The following CAMKMT variants were observed in gnomAD, a reference collection of about 807,000 sequenced individuals.
CAMKMT encodes CaM KMT.
Under a neutral mutation model 48.0 loss-of-function variants are expected in CAMKMT, and 53 were observed. That is an observed-to-expected ratio of 1.10 (90% confidence interval 0.89 to 1.39). The LOEUF (loss-of-function observed/expected upper bound fraction) is 1.39. CAMKMT is among the 40% of genes most tolerant of loss of function. The pLI is 0.00. For missense variants in CAMKMT, 428 were observed against 402.7 expected, an observed-to-expected ratio of 1.06 and a Z score of -0.54; for synonymous variants, 165 against 152.3, an observed-to-expected ratio of 1.08 and a Z score of -0.61.
intron 1 of CAMKMT, among the ~76,000 whole-genome samples, chr2:44,372,389 G>A (rs1237955611): frequency 6.6e-6 from 1 of 151,832 alleles, no homozygotes; most frequent in African/African-American, 2.4e-5. Flanking sequence ...GGAGCCTGAG[G>A]TAGGAGGATC....
chr2:44,431,242 T>G (rs1204637550), intron 3 of CAMKMT, among the ~76,000 whole-genome samples: 2 of 152,170 alleles, frequency 1.3e-5, no homozygotes, highest in African/African-American at 4.8e-5. Context: ...CCCTTTCAAG[T>G]TTTAATCTTA....
intron 3 of CAMKMT, among the ~76,000 whole-genome samples, chr2:44,444,243 G>C (rs1203616503): frequency 6.6e-6 from 1 of 152,182 alleles, no homozygotes; most frequent in Non-Finnish European, 1.5e-5. Flanking sequence ...GTCCTGCCTT[G>C]AGCAATTTAG....
At chr2:44,664,729 G>T (rs1444529774) in intron 3 of CAMKMT, among the ~76,000 whole-genome samples, 1 of 152,162 alleles carries the variant, frequency 6.6e-6, no homozygotes, top group Admixed American at 6.6e-5. Context: ...ACATGAGATT[G>T]CCTCCTCAGT....
chr2:44,669,063 G>A (rs776139247), intron 3 of CAMKMT, among the ~76,000 whole-genome samples: 7 of 152,078 alleles, frequency 4.6e-5, no homozygotes, highest in South Asian at 2.1e-4. Flanking sequence ...AATTACAGGC[G>A]TGAGCCACTG....
At chr2:44,502,324 G>C (rs1346352986) in intron 3 of CAMKMT, among the ~76,000 whole-genome samples, 2 of 151,854 alleles carry the variant, frequency 1.3e-5, no homozygotes, top group East Asian at 3.9e-4. Flanking sequence ...CTGTGCTCTT[G>C]TGTGCCCTGT....
chr2:44,414,024 A>G (rs1558592907), intron 3 of CAMKMT, among the ~76,000 whole-genome samples: 1 of 152,172 alleles, frequency 6.6e-6, no homozygotes, highest in Non-Finnish European at 1.5e-5. Context: ...TTGTATTGGT[A>G]TGCCAGTTGG....
At chr2:44,509,507 C>G (rs1670431232) in intron 3 of CAMKMT, among the ~76,000 whole-genome samples, 1 of 152,056 alleles carries the variant, frequency 6.6e-6, no homozygotes, top group South Asian at 2.1e-4. Flanking sequence ...GATGGGGTTT[C>G]ACCATGTTGC....
rs146125884 is a variant in CAMKMT, at chr2:44,584,347, A to C, written c.377-119936A>C. Among the ~76,000 whole-genome samples the C allele has an allele frequency of 3.3e-5, 5 of 152,342 alleles. No homozygotes were observed. In the East Asian group the frequency reaches 9.6e-4, roughly 29 times the overall value. On this transcript the variant is annotated intron_variant, in intron 3 of 10. Transcript: ENST00000378494. The stretch of plus-strand genomic sequence containing the variant: ...ACATTTTTATTTATGAGCTGTGAAA[A>C]TGTACTAGAGGACCTGGGATATTAC...
At chr2:44,395,306 G>A (rs1349541432) in intron 3 of CAMKMT, among the ~76,000 whole-genome samples, 1 of 152,030 alleles carries the variant, frequency 6.6e-6, no homozygotes, top group Non-Finnish European at 1.5e-5. Flanking sequence ...CATATATGTA[G>A]CATGTGTGTA....
At chr2:44,574,817 A>G (rs1194343089) in intron 3 of CAMKMT, among the ~76,000 whole-genome samples, 1 of 148,240 alleles carries the variant, frequency 6.7e-6, no homozygotes, top group Non-Finnish European at 1.5e-5. Context: ...CTCGGCTCAC[A>G]GCAACCTCCA....
rs557904143 is a variant in CAMKMT at position 44,361,974 on chromosome 2, G to A, written c.-34G>A. On this transcript the variant is annotated 5_prime_UTR_variant, in exon 1 of 11. Coordinates refer to ENST00000378494, the MANE Select transcript of CAMKMT (RefSeq NM_024766.5). ...GTCCTGGCAGGGGACGAGCTGCGGC[G>A]GTGGCACCTCCGGGTGTGGAAGGCT... 2.2e-6 allele frequency: 3 copies of A among 1,363,452 alleles called. No homozygotes were observed. Among genetic ancestry groups the A allele is most frequent in the African/African-American group, 1.5e-5 (1 of 65,240 alleles). 84.5% of individuals were successfully genotyped at this position (1,363,452 alleles called of 1,614,324 possible). A position where few individuals can be genotyped will look rare whatever the true frequency, so the allele number is the denominator to read the frequency against.
At chr2:44,379,020 T>C (rs1230345026) in intron 2 of CAMKMT, among the ~76,000 whole-genome samples, 2 of 152,208 alleles carry the variant, frequency 1.3e-5, no homozygotes, top group Non-Finnish European at 2.9e-5. Flanking sequence ...ATTCCAGAAC[T>C]TTTTCATTAC....
chr2:44,504,371 T>C (rs189423923), intron 3 of CAMKMT, among the ~76,000 whole-genome samples: 10 of 152,354 alleles, frequency 6.6e-5, no homozygotes, highest in Non-Finnish European at 8.8e-5. Flanking sequence ...TATTTATAGA[T>C]ATTTTTGAAT....
intron 3 of CAMKMT, among the ~76,000 whole-genome samples, chr2:44,506,591 A>G (rs1420584150): frequency 6.6e-6 from 1 of 152,180 alleles, no homozygotes; most frequent in Non-Finnish European, 1.5e-5. Flanking sequence ...TCGGACAGAA[A>G]TAAACGCCAT....
At chr2:44,507,981 A>C (rs893913402) in intron 3 of CAMKMT, among the ~76,000 whole-genome samples, 1 of 152,210 alleles carries the variant, frequency 6.6e-6, no homozygotes, top group South Asian at 2.1e-4. Context: ...TTCTCAAACT[A>C]TCTGTGGTGA....
intron 3 of CAMKMT, among the ~76,000 whole-genome samples, chr2:44,597,956 C>T (rs1207370605): frequency 1.3e-5 from 2 of 152,050 alleles, no homozygotes; most frequent in Non-Finnish European, 2.9e-5. Flanking sequence ...AGGCTGGTCT[C>T]GAACTCCTGA....
At chr2:44,627,897 AC>A (rs1426590655) in intron 3 of CAMKMT, among the ~76,000 whole-genome samples, 1 of 151,356 alleles carries the variant, frequency 6.6e-6, no homozygotes, top group African/African-American at 2.4e-5. Context: ...ACAGAATTTC[AC>A]CATGTTGGCC....
chr2:44,615,465 A>G (rs1459499133), intron 3 of CAMKMT, among the ~76,000 whole-genome samples: 2 of 152,100 alleles, frequency 1.3e-5, no homozygotes, highest in East Asian at 3.9e-4. Context: ...AATTACTAGA[A>G]CTTGGTGACT....
chr2:44,510,907 C>G (rs1670512792), intron 3 of CAMKMT, among the ~76,000 whole-genome samples: 1 of 151,996 alleles, frequency 6.6e-6, no homozygotes, highest in Admixed American at 6.6e-5. Flanking sequence ...GTGGCATGAT[C>G]TTGGCTCACT....
Sources: allele counts gnomAD v4.1 joint callset (sites outside exome capture counted in the v4.1 genomes callset), GRCh38; gene constraint gnomAD v4.1.1; transcripts MANE v1.5; gene names NCBI Gene and HGNC (gene_info 2026-07-23, HGNC 2026-07-21).